SDK1: variants seen among roughly 807,000 people sequenced by gnomAD.
The protein encoded by SDK1 is protein sidekick-1.
In SDK1, 157 loss-of-function variants were observed where a neutral mutation model predicts 245.5. The ratio of observed to expected loss-of-function variants is 0.64; its 90% confidence interval spans 0.56 to 0.73. The LOEUF is 0.73. Among genes scored for constraint, SDK1 ranks in the 30% least tolerant of loss-of-function variants. SDK1 has a pLI of 0.00. For missense variants in SDK1, 3,583 were observed against 3,002.3 expected (o/e 1.19, Z -4.52); for synonymous variants, 1,647 against 1,278.5 (o/e 1.29, Z -6.15).
Position 4,013,923 on chromosome 7 carries a change from CT to C in SDK1, c.2420+1689del, listed in dbSNP as rs1786179598. 3.9e-5 allele frequency among the ~76,000 whole-genome samples: 6 copies of C among 152,382 alleles called. No individual in the cohort carries two copies. The South Asian group carries it at 1.2e-3, about 32-fold the overall frequency. Reference sequence around the variant, plus strand: ...GCAGGCTCTGGTTCCTGTTGATCCCCTGGGACAGTTCCTAATTGCCTGACCA... The same window carrying C: ...GCAGGCTCTGGTTCCTGTTGATCCCCGGGACAGTTCCTAATTGCCTGACCA... On this transcript the variant is annotated intron_variant, in intron 16 of 44. Coordinates refer to ENST00000404826, the MANE Select transcript of SDK1 (RefSeq NM_152744.4).
chr7:3,312,140 C>A (rs1249274837), intron 1 of SDK1, among the ~76,000 whole-genome samples: 1 of 152,166 alleles, frequency 6.6e-6, no homozygotes, highest in Non-Finnish European at 1.5e-5. Flanking sequence ...CAAGATTGCA[C>A]CTCATAATTG....
rs148564399 is a variant in SDK1, at chr7:3,725,531, A to G, written c.713+83426A>G. 9.9e-4 allele frequency among the ~76,000 whole-genome samples: 151 copies of G among 152,334 alleles called. 1 individual carries two copies. Among genetic ancestry groups the G allele is most frequent in the African/African-American group, 3.5e-3 (145 of 41,582 alleles). ...CCTTAAGAGAATATTAATGCTATCA[A>G]TACAGTTACTATTATTCCAGCACCT... On this transcript the variant is annotated intron_variant, in intron 4 of 44. Coordinates refer to ENST00000404826, the MANE Select transcript of SDK1 (RefSeq NM_152744.4).
intron 4 of SDK1, among the ~76,000 whole-genome samples, chr7:3,669,008 A>T (rs77979995): frequency 1.3e-5 from 2 of 152,182 alleles, no homozygotes; most frequent in East Asian, 3.9e-4. Flanking sequence ...GAAAAGGACA[A>T]TTGGCCACAT....
intron 7 of SDK1, among the ~76,000 whole-genome samples, chr7:3,952,685 G>A (rs202181738): frequency 2.0e-5 from 3 of 151,236 alleles, no homozygotes; most frequent in African/African-American, 7.3e-5. Context: ...GTTACCTTTT[G>A]TTAAACTTAA....
At chr7:3,692,243 A>C (rs532913957) in intron 4 of SDK1, among the ~76,000 whole-genome samples, 65 of 152,132 alleles carry the variant, frequency 4.3e-4, no homozygotes, top group Non-Finnish European at 8.8e-4. Flanking sequence ...GACAACTAAG[A>C]AAAAAATAGG....
chr7:4,185,450 C>T (rs1782832183), intron 35 of SDK1, among the ~76,000 whole-genome samples: 1 of 152,166 alleles, frequency 6.6e-6, no homozygotes. Flanking sequence ...TCAGCCCCTG[C>T]CTGTATTTCC....
intron 4 of SDK1, among the ~76,000 whole-genome samples, chr7:3,785,201 G>A (rs529534719): frequency 4.6e-5 from 7 of 152,110 alleles, no homozygotes; most frequent in African/African-American, 1.4e-4. Flanking sequence ...GCTGGAGGGT[G>A]GGGGGAATAG....
intron 1 of SDK1, among the ~76,000 whole-genome samples, chr7:3,321,510 C>A (rs531719972): frequency 1.3e-5 from 2 of 152,084 alleles, no homozygotes; most frequent in Non-Finnish European, 2.9e-5. Context: ...GATACTGAGT[C>A]GCTATAAAAA....
At chr7:4,256,636 G>T (rs750804355) in intron 44 of SDK1, among the ~76,000 whole-genome samples, 1 of 152,352 alleles carries the variant, frequency 6.6e-6, no homozygotes, top group African/African-American at 2.4e-5. Context: ...AATATAAACC[G>T]AAATGTTGGG....
chr7:3,951,453 A>T (rs935078265), intron 6 of SDK1, among the ~76,000 whole-genome samples: 1 of 152,182 alleles, frequency 6.6e-6, no homozygotes, highest in Non-Finnish European at 1.5e-5. Flanking sequence ...TATTTTAAAC[A>T]TTCATTTCCT....
At chr7:3,546,183 G>A (rs1393385844) in intron 1 of SDK1, among the ~76,000 whole-genome samples, 1 of 152,174 alleles carries the variant, frequency 6.6e-6, no homozygotes, top group Non-Finnish European at 1.5e-5. Flanking sequence ...CTGGGAGTCA[G>A]CATTTCTGTG....
chr7:3,948,850 G>A (rs1780682498), intron 5 of SDK1, among the ~76,000 whole-genome samples: 1 of 152,184 alleles, frequency 6.6e-6, no homozygotes, highest in Non-Finnish European at 1.5e-5. Flanking sequence ...TGCCACCGTG[G>A]CTGAGCAGTG....
intron 1 of SDK1, among the ~76,000 whole-genome samples, chr7:3,535,276 T>C (rs552963409): frequency 1.3e-5 from 2 of 152,074 alleles, no homozygotes; most frequent in Non-Finnish European, 2.9e-5. Flanking sequence ...AAAAAAATAA[T>C]AAATAAAGAA....
chr7:3,668,245 TG>T (rs1258267280), intron 4 of SDK1, among the ~76,000 whole-genome samples: 2 of 152,218 alleles, frequency 1.3e-5, no homozygotes, highest in Non-Finnish European at 2.9e-5. Context: ...GGCTTATCTT[TG>T]CTCCACCTGG....
intron 4 of SDK1, among the ~76,000 whole-genome samples, chr7:3,820,725 T>C (rs1779623980): frequency 6.6e-6 from 1 of 152,226 alleles, no homozygotes; most frequent in Admixed American, 6.5e-5. Flanking sequence ...GACAAGCAAC[T>C]TAACTTCTGT....
intron 38 of SDK1, among the ~76,000 whole-genome samples, chr7:4,218,076 AG>A (rs1368802937): frequency 6.6e-6 from 1 of 152,202 alleles, no homozygotes; most frequent in African/African-American, 2.4e-5. Flanking sequence ...ATTCCTCTAC[AG>A]GAAAACCCAG....
At chr7:3,623,712 GA>G (rs1782020714) in intron 2 of SDK1, among the ~76,000 whole-genome samples, 1 of 152,104 alleles carries the variant, frequency 6.6e-6, no homozygotes, top group Non-Finnish European at 1.5e-5. Context: ...ACTTTGGAAT[GA>G]AAAAATCTTT....
At chr7:4,048,504 T>C (rs1006416752) in intron 17 of SDK1, among the ~76,000 whole-genome samples, 1 of 150,018 alleles carries the variant, frequency 6.7e-6, no homozygotes, top group Non-Finnish European at 1.5e-5. Flanking sequence ...CCAGCCGTGC[T>C]CCGTGTGCAC....
intron 5 of SDK1, among the ~76,000 whole-genome samples, chr7:3,929,800 G>A (rs970986326): frequency 3.3e-5 from 5 of 151,944 alleles, no homozygotes; most frequent in South Asian, 2.1e-4. Context: ...CTGGTTTTGC[G>A]TTGATAGAAA....
Sources: gnomAD v4.1 joint callset for allele counts (sites outside exome capture counted in the v4.1 genomes callset) on GRCh38, gnomAD v4.1.1 for gene constraint, MANE v1.5 for transcripts, NCBI Gene and HGNC (gene_info 2026-07-23, HGNC 2026-07-21) for gene names.